The following PAPOLA variants were observed in gnomAD, a reference collection of about 807,000 sequenced individuals.
The protein encoded by PAPOLA is polynucleotide adenylyltransferase alpha.
PAPOLA carries 15 observed loss-of-function variants against 100.6 expected under a neutral mutation model. That is an observed-to-expected ratio of 0.15 (90% confidence interval 0.10 to 0.23). PAPOLA has a LOEUF of 0.23. Ranked by LOEUF, PAPOLA falls within the 10% of genes least tolerant of loss-of-function variation. The pLI is 1.00. For missense variants in PAPOLA, 533 were observed against 884.2 expected (o/e 0.60, Z 5.04); for synonymous variants, 293 against 300.0 (o/e 0.98, Z 0.24).
intron 15 of PAPOLA, among the ~76,000 whole-genome samples, chr14:96,547,169 C>T (rs1900455819): frequency 6.6e-6 from 1 of 152,106 alleles, no homozygotes; most frequent in African/African-American, 2.4e-5. Flanking sequence ...TCTCCAGTGT[C>T]TAGGACAATA....
At position 96,565,610 on chromosome 14, in the gene PAPOLA, C is replaced by G; in HGVS notation, c.*560C>G. ...CAGTTCCTATGAGGTAGCTGTAACC[C>G]TTAAAAATGAAACGTCAACTCTAGG... On this transcript the variant is annotated 3_prime_UTR_variant, in exon 22 of 22. Coordinates refer to ENST00000216277, the MANE Select transcript of PAPOLA (RefSeq NM_032632.5). 2.5e-6 allele frequency: 1 copy of G among 395,342 alleles called. No individual in the cohort carries two copies. Among genetic ancestry groups the G allele is most frequent in the Non-Finnish European group, 4.5e-6 (1 of 224,190 alleles). The allele number at this position is 395,342 out of a possible 1,614,324, so 24.5% of individuals were successfully genotyped here.
Position 96,522,503 on chromosome 14 carries a change from C to T in PAPOLA, c.249+1431C>T, listed in dbSNP as rs984164161. Among the ~76,000 whole-genome samples the T allele has an allele frequency of 1.1e-4, 17 of 152,130 alleles. No homozygotes were observed. The East Asian group carries it at 3.1e-3, about 28-fold the overall frequency. Reference sequence around the variant, plus strand: ...TTAGCTAACTGTATCCTCCACCTCCCGGGCTCAGGCAATCCTCCCACCCCA... The same window carrying T: ...TTAGCTAACTGTATCCTCCACCTCCTGGGCTCAGGCAATCCTCCCACCCCA... On this transcript the variant is annotated intron_variant, in intron 3 of 21. Transcript: ENST00000216277.
intron 12 of PAPOLA, among the ~76,000 whole-genome samples, chr14:96,541,139 C>T (rs766830277): frequency 5.3e-5 from 8 of 152,298 alleles, no homozygotes; most frequent in South Asian, 2.1e-4. Context: ...CCGCCCGCCT[C>T]GGCCTCACAG....
chr14:96,510,467 CACA>C (rs921185346), intron 1 of PAPOLA, among the ~76,000 whole-genome samples: 13 of 137,364 alleles, frequency 9.5e-5, no homozygotes, highest in Admixed American at 2.1e-4. Flanking sequence ...GAGAGAGGGA[CACA>C]ACACACACGC....
At position 96,565,530 on chromosome 14, in the gene PAPOLA, G is replaced by T; in HGVS notation, c.*480G>T. 1 of 410,334 alleles carries T rather than the reference G, an allele frequency of 2.4e-6. No homozygotes were observed. The highest frequency in any genetic ancestry group is 2.0e-5 in the African/African-American group (1 of 49,044). The allele number at this position is 410,334 out of a possible 1,614,324, so 25.4% of individuals were successfully genotyped here. A position where few individuals can be genotyped will look rare whatever the true frequency, so the allele number is the denominator to read the frequency against. Reference sequence around the variant, plus strand: ...ACCATTAGTCTTCAAATTGGATACTGTTGTGCAGTGGTGTACTGTTATACT... The same window carrying T: ...ACCATTAGTCTTCAAATTGGATACTTTTGTGCAGTGGTGTACTGTTATACT... On this transcript the variant is annotated 3_prime_UTR_variant, in exon 22 of 22. Coordinates refer to ENST00000216277, the MANE Select transcript of PAPOLA (RefSeq NM_032632.5).
At chr14:96,561,959 A>G (rs968074989) in intron 20 of PAPOLA, among the ~76,000 whole-genome samples, 8 of 151,616 alleles carry the variant, frequency 5.3e-5, no homozygotes, top group African/African-American at 1.5e-4. Context: ...CAGTGGGACA[A>G]TCTCGGCTCA....
Position 96,532,292 on chromosome 14 carries a change from G to A in PAPOLA, c.608-39G>A, listed in dbSNP as rs374514827. 5.0e-5 allele frequency: 79 copies of A among 1,574,082 alleles called. No individual in the cohort carries two copies. In the African/African-American group the frequency reaches 9.9e-4, roughly 20 times the overall value. ...TTTTGTTTTGTTTTGTTTTGTGTGT[G>A]TGTGTGTGTGTGTGTTTTTTTTTAC... On this transcript the variant is annotated intron_variant, in intron 7 of 21. Transcript: ENST00000216277.
chr14:96,542,174 CT>C, intron 12 of PAPOLA, 68 bp from the exon 13 acceptor site: 1 of 968,976 alleles, frequency 1.0e-6, no homozygotes, highest in Admixed American at 2.1e-5. Flanking sequence ...AAGCTTATTA[CT>C]TTATGGTTTA....
chr14:96,510,911 A>C (rs1897071689), intron 1 of PAPOLA, among the ~76,000 whole-genome samples: 1 of 152,198 alleles, frequency 6.6e-6, no homozygotes, highest in African/African-American at 2.4e-5. Flanking sequence ...ATTTTGGCTA[A>C]TAATTAATAT....
intron 10 of PAPOLA, chr14:96,534,865 T>A: frequency 3.7e-6 from 4 of 1,081,722 alleles, no homozygotes; most frequent in Non-Finnish European, 4.5e-6. Flanking sequence ...ATTTGTGCTT[T>A]AAAAAAAATA....
chr14:96,536,947 GC>G (rs1274967483), intron 11 of PAPOLA, 28 bp from the exon 12 acceptor site: 6 of 1,271,794 alleles, frequency 4.7e-6, no homozygotes, highest in Admixed American at 1.7e-5. Context: ...ACTGAAGTAT[GC>G]AAACATTTTA....
chr14:96,519,935 A>C lies in PAPOLA; in HGVS notation c.9-120A>C, dbSNP rs552176845. 3.1e-5 allele frequency: 24 copies of C among 770,914 alleles called. No homozygotes were observed. In the African/African-American group the frequency reaches 3.7e-4, roughly 12 times the overall value. 47.8% of individuals were successfully genotyped at this position (770,914 alleles called of 1,614,324 possible). On this transcript the variant is annotated intron_variant, in intron 1 of 21. Transcript: ENST00000216277. ...ACTTTTTGTCAAAAATTTTGGGGGT[A>C]TTGCAGGGAACCAATCATGTTTAGA...
intron 6 of PAPOLA, 98 bp from the exon 7 acceptor site, chr14:96,531,377 C>T: frequency 2.3e-6 from 2 of 879,248 alleles, no homozygotes; most frequent in South Asian, 3.6e-5. Flanking sequence ...CTGCCTCAGC[C>T]TCCCAGAGTG....
At chr14:96,515,423 A>G (rs1252871252) in intron 1 of PAPOLA, among the ~76,000 whole-genome samples, 2 of 152,298 alleles carry the variant, frequency 1.3e-5, no homozygotes, top group East Asian at 3.9e-4. Context: ...AGAAAGGATG[A>G]AGACTTTTAA....
chr14:96,516,643 T>C (rs577225539), intron 1 of PAPOLA, among the ~76,000 whole-genome samples: 2 of 152,348 alleles, frequency 1.3e-5, no homozygotes, highest in Admixed American at 6.5e-5. Context: ...CTGGCTCATA[T>C]ATATTCTTTC....
intron 1 of PAPOLA, among the ~76,000 whole-genome samples, chr14:96,519,473 C>CTG (rs962929490): frequency 1.3e-5 from 2 of 152,176 alleles, no homozygotes; most frequent in Admixed American, 6.5e-5. Flanking sequence ...GATAAAATAG[C>CTG]TGTGTGTGTG....
chr14:96,531,809 A>G, intron 7 of PAPOLA: 2 of 1,418,586 alleles, frequency 1.4e-6, no homozygotes, highest in Non-Finnish European at 1.8e-6. Context: ...TGGTATACTC[A>G]GGACACTTAA....
intron 17 of PAPOLA, among the ~76,000 whole-genome samples, chr14:96,555,604 T>G (rs947745454): frequency 6.6e-6 from 1 of 152,186 alleles, no homozygotes; most frequent in Admixed American, 6.5e-5. Context: ...AGCACAGATA[T>G]AGAACATTCT....
chr14:96,548,198 C>T (rs1237388827), intron 16 of PAPOLA, among the ~76,000 whole-genome samples: 1 of 152,096 alleles, frequency 6.6e-6, no homozygotes, highest in Non-Finnish European at 1.5e-5. Flanking sequence ...TTCTTATTCA[C>T]TTAAAAATCC....
Sources: allele counts gnomAD v4.1 joint callset (sites outside exome capture counted in the v4.1 genomes callset), GRCh38; gene constraint gnomAD v4.1.1; transcripts MANE v1.5; gene names NCBI Gene and HGNC (gene_info 2026-07-23, HGNC 2026-07-21).